ADAM12: variants seen among roughly 807,000 people sequenced by gnomAD.
The protein encoded by ADAM12 is ADAM metallopeptidase domain 12.
A neutral mutation model predicts 106.4 loss-of-function variants in ADAM12; 70 were observed. The ratio of observed to expected loss-of-function variants is 0.66; its 90% CI spans 0.54 to 0.80. ADAM12 has a LOEUF of 0.80. ADAM12 is among the 30% of genes least tolerant of loss of function. ADAM12 has a pLI of 0.00. For missense variants in ADAM12, 1,010 were observed against 1,171.9 expected (o/e 0.86, Z 2.02); for synonymous variants, 420 against 433.5 (o/e 0.97, Z 0.39).
At chr10:126,238,477 TCAAA>T (rs750062554) in intron 3 of ADAM12, among the ~76,000 whole-genome samples, 25 of 152,250 alleles carry the variant, frequency 1.6e-4, no homozygotes, top group East Asian at 1.2e-3. Context: ...AAACTCCATC[TCAAA>T]CAAACAAACA....
intron 3 of ADAM12, among the ~76,000 whole-genome samples, chr10:126,240,417 T>C (rs777907434): frequency 6.6e-6 from 1 of 152,248 alleles, no homozygotes; most frequent in South Asian, 2.1e-4. Flanking sequence ...AATCAGTCCC[T>C]GTCAATGGCA....
At chr10:126,147,858 G>A (rs1956657447) in intron 4 of ADAM12, among the ~76,000 whole-genome samples, 1 of 152,220 alleles carries the variant, frequency 6.6e-6, no homozygotes, top group Non-Finnish European at 1.5e-5. Flanking sequence ...AAGGGGGCAT[G>A]TGAACAGGTC....
chr10:126,034,377 A>G (rs1954021543), intron 21 of ADAM12, among the ~76,000 whole-genome samples: 1 of 152,216 alleles, frequency 6.6e-6, no homozygotes, highest in Non-Finnish European at 1.5e-5. Context: ...CAATATGTCA[A>G]AATGCTGAGG....
intron 1 of ADAM12, among the ~76,000 whole-genome samples, chr10:126,367,920 C>T (rs1383763753): frequency 5.3e-5 from 8 of 151,802 alleles, no homozygotes; most frequent in Admixed American, 3.9e-4. Flanking sequence ...AAAACCTTAA[C>T]TTATGAGGCC....
intron 1 of ADAM12, among the ~76,000 whole-genome samples, chr10:126,340,950 C>G (rs1157082431): frequency 6.6e-6 from 1 of 151,946 alleles, no homozygotes; most frequent in Non-Finnish European, 1.5e-5. Flanking sequence ...CTCCTGAGCT[C>G]GTGATCCACC....
At chr10:126,192,271 A>T (rs957140993) in intron 3 of ADAM12, among the ~76,000 whole-genome samples, 3 of 152,214 alleles carry the variant, frequency 2.0e-5, no homozygotes, top group African/African-American at 7.2e-5. Flanking sequence ...GAGTTAATAT[A>T]CATACATAAA....
chr10:126,136,812 A>G (rs1956414144), intron 4 of ADAM12, among the ~76,000 whole-genome samples: 1 of 152,200 alleles, frequency 6.6e-6, no homozygotes, highest in Non-Finnish European at 1.5e-5. Context: ...AAGGGGTTGC[A>G]GGGACATTTA....
chr10:126,272,810 C>T (rs574526794), intron 3 of ADAM12: 4 of 405,010 alleles, frequency 9.9e-6, no homozygotes, highest in African/African-American at 6.3e-5. Context: ...CTATGGTCAG[C>T]ATTAATAATG....
intron 3 of ADAM12, among the ~76,000 whole-genome samples, chr10:126,265,143 C>A (rs1374993323): frequency 6.6e-6 from 1 of 152,172 alleles, no homozygotes; most frequent in East Asian, 1.9e-4. Flanking sequence ...GGACCCTCAG[C>A]AGGGGGCTGT....
chr10:126,333,496 C>T (rs760439025), intron 1 of ADAM12, among the ~76,000 whole-genome samples: 1 of 152,138 alleles, frequency 6.6e-6, no homozygotes, highest in Non-Finnish European at 1.5e-5. Context: ...GCGTGAAATC[C>T]GGGTCTTCTA....
intron 5 of ADAM12, among the ~76,000 whole-genome samples, chr10:126,125,249 C>CTTT (rs35917087): frequency 7.4e-6 from 1 of 134,248 alleles, no homozygotes; most frequent in African/African-American, 2.8e-5. Flanking sequence ...CTTTTCTTTT[C>CTTT]TTTTTTTTTT....
At chr10:126,206,493 G>A (rs996242858) in intron 3 of ADAM12, among the ~76,000 whole-genome samples, 8 of 152,158 alleles carry the variant, frequency 5.3e-5, no homozygotes, top group Admixed American at 1.3e-4. Context: ...TATCCCATGA[G>A]CAAAGAGAAA....
Position 126,092,018 on chromosome 10 carries a change from G to T in ADAM12, c.1145+1967C>A, listed in dbSNP as rs117559737. Among the ~76,000 whole-genome samples the T allele has an allele frequency of 6.4e-3, 970 of 152,074 alleles. 6 individuals carry two copies. The highest frequency in any genetic ancestry group is 0.031 in the Middle Eastern group (9 of 294). On this transcript the variant is annotated intron_variant, in intron 11 of 22. Coordinates refer to ENST00000448723, the MANE Select transcript of ADAM12 (RefSeq NM_001288973.2). ...TTGATGAGGAATGTAAGAGCCAGGG[G>T]GTTACTAAACTGCCTATATTATTTT...
At chr10:126,311,183 T>A (rs890237765) in intron 2 of ADAM12, among the ~76,000 whole-genome samples, 1 of 151,438 alleles carries the variant, frequency 6.6e-6, no homozygotes, top group Admixed American at 6.6e-5. Flanking sequence ...AGACTCCTCA[T>A]TGGTTTTCTG....
chr10:126,028,523 A>C lies in ADAM12; in HGVS notation c.2529+7623T>G, dbSNP rs116882265. 8.4e-4 allele frequency among the ~76,000 whole-genome samples: 128 copies of C among 152,300 alleles called. No homozygotes were observed. In the East Asian group the frequency reaches 0.021, roughly 25 times the overall value. On this transcript the variant is annotated intron_variant, in intron 21 of 22. Transcript: ENST00000448723. ...AAGACTGCACGCCTACAACCATCTG[A>C]TCTTCAACAAACCTGAGAAAAAGCA...
chr10:126,086,707 A>ATATATATATAT (rs1449849709), intron 11 of ADAM12, among the ~76,000 whole-genome samples: 4 of 92,930 alleles, frequency 4.3e-5, no homozygotes, highest in East Asian at 3.4e-4. Flanking sequence ...ATATATATAT[A>ATATATATATAT]AAATAAAATA....
In ADAM12 at chr10:126,016,176, C is replaced by A. The variant is rs1304310832; in HGVS notation, c.*1103G>T. 1.3e-5 allele frequency: 2 copies of A among 152,086 alleles called. No individual in the cohort carries two copies. The highest frequency in any genetic ancestry group is 4.8e-5 in the African/African-American group (2 of 41,408). The allele number at this position is 152,086 out of a possible 1,614,324, so 9.4% of individuals were successfully genotyped here. The stretch of plus-strand genomic sequence containing the variant: ...ATAATGATAGCAGACATGAACTATA[C>A]CCATGAACATCACATTCCATTGGTT... On this transcript the variant is annotated 3_prime_UTR_variant, in exon 23 of 23. Coordinates refer to ENST00000448723, the MANE Select transcript of ADAM12 (RefSeq NM_001288973.2).
At position 126,014,825 on chromosome 10, in the gene ADAM12, C is replaced by T. The variant is rs1439524506; in HGVS notation, c.*2454G>A. On this transcript the variant is annotated 3_prime_UTR_variant, in exon 23 of 23. Transcript: ENST00000448723. ...ACCACCTCTATTATTCATGCCTATACAGTCTTTTAAAAAAATACTAGATTG... is the reference window on the plus strand; with the variant it reads ...ACCACCTCTATTATTCATGCCTATATAGTCTTTTAAAAAAATACTAGATTG... 1 of 137,798 alleles carries T rather than the reference C, an allele frequency of 7.3e-6. No individual in the cohort carries two copies. Among genetic ancestry groups the T allele is most frequent in the Non-Finnish European group, 1.6e-5 (1 of 62,584 alleles). The allele number at this position is 137,798 out of a possible 1,614,324, so 8.5% of individuals were successfully genotyped here.
chr10:126,296,882 G>T (rs1960406803), intron 2 of ADAM12, among the ~76,000 whole-genome samples: 1 of 152,144 alleles, frequency 6.6e-6, no homozygotes, highest in Admixed American at 6.5e-5. Context: ...AACTTATTCT[G>T]TGAATTTTGA....
Sources: allele counts gnomAD v4.1 joint callset (sites outside exome capture counted in the v4.1 genomes callset), GRCh38; gene constraint gnomAD v4.1.1; transcripts MANE v1.5; gene names NCBI Gene and HGNC (gene_info 2026-07-23, HGNC 2026-07-21).